Variants in RIMS1 observed in about 807,000 individuals in gnomAD.
The protein encoded by RIMS1 is regulating synaptic membrane exocytosis protein 1.
Under a neutral mutation model 214.1 loss-of-function variants are expected in RIMS1, and 83 were observed. The observed-to-expected ratio is 0.39, with a 90% CI of 0.32 to 0.47. The LOEUF (loss-of-function observed/expected upper bound fraction) is 0.47. RIMS1 is among the 20% of genes least tolerant of loss of function. The pLI is 0.99. For synonymous variants in RIMS1, 793 were observed against 786.8 expected, an observed-to-expected ratio of 1.01 and a Z score of -0.13; for missense variants, 2,050 against 2,161.8, an observed-to-expected ratio of 0.95 and a Z score of 1.03.
At position 72,182,664 on chromosome 6, in the gene RIMS1, C is replaced by T. The variant is rs1480140179; in HGVS notation, c.1193C>T (p.Thr398Ile). 1 of 1,462,208 alleles carries T rather than the reference C, an allele frequency of 6.8e-7. No homozygotes were observed. Among genetic ancestry groups the T allele is most frequent in the Non-Finnish European group, 9.0e-7 (1 of 1,112,096 alleles). The allele number at this position is 1,462,208 out of a possible 1,614,324, so 90.6% of individuals were successfully genotyped here. ...CACAGCGACGTGGCGCTCCCGCGCA[C>T]CGAGGCGGGCGCGGCGCTGCCGGAG... ...RRHSDVALPR[T>I]EAGAALPEGK... The change falls in exon 6 of 34, where the codon ACC (threonine) becomes ATC (isoleucine). Residue 398 changes from threonine to isoleucine, a missense_variant. Thr to Ile is a moderately conservative substitution (Grantham distance 89). Transcript: ENST00000521978.
intron 28 of RIMS1, among the ~76,000 whole-genome samples, chr6:72,330,156 C>A (rs901626438): frequency 6.6e-6 from 1 of 151,654 alleles, no homozygotes; most frequent in African/African-American, 2.4e-5. Context: ...TATTTCAAGA[C>A]AAGGGAATCA....
rs180769070 is a variant in RIMS1 at position 71,895,532 on chromosome 6, G to A, written c.164+8345G>A. ...TCTACTAAAAATAAAAAAATTAGCC[G>A]GCGTGGTGATGCATGCCTGTAATCC... On this transcript the variant is annotated intron_variant, in intron 1 of 33. Transcript: ENST00000521978. 3.9e-3 allele frequency among the ~76,000 whole-genome samples: 588 copies of A among 151,922 alleles called. 6 individuals carry two copies. Among genetic ancestry groups the A allele is most frequent in the African/African-American group, 0.014 (569 of 41,432 alleles).
chr6:71,900,797 C>T (rs897523807), intron 1 of RIMS1, among the ~76,000 whole-genome samples: 1 of 152,030 alleles, frequency 6.6e-6, no homozygotes, highest in African/African-American at 2.4e-5. Flanking sequence ...AGGTCAGGAA[C>T]TCAGAAGAGA....
chr6:72,184,369 A>C (rs1467935487), intron 6 of RIMS1, among the ~76,000 whole-genome samples: 1 of 152,244 alleles, frequency 6.6e-6, no homozygotes, highest in Non-Finnish European at 1.5e-5. Flanking sequence ...TATTGTTGAA[A>C]AAGAAATTTG....
intron 28 of RIMS1, among the ~76,000 whole-genome samples, chr6:72,319,766 A>C (rs1444782102): frequency 6.6e-6 from 1 of 151,972 alleles, no homozygotes; most frequent in African/African-American, 2.4e-5. Flanking sequence ...ATAAAACAAA[A>C]CACATGATTC....
intron 2 of RIMS1, among the ~76,000 whole-genome samples, 196 bp downstream of exon 2, chr6:71,969,259 A>G (rs745770046): frequency 7.2e-5 from 11 of 152,242 alleles, no homozygotes; most frequent in Non-Finnish European, 1.5e-4. Context: ...TTCTAATACC[A>G]TATTGAAAGG....
intron 11 of RIMS1, 49 bp downstream of exon 11, chr6:72,245,910 A>G: frequency 7.6e-7 from 1 of 1,307,220 alleles, no homozygotes; most frequent in Non-Finnish European, 1.1e-6. Flanking sequence ...ACTAATTGAA[A>G]GTAAAGATTT....
rs375683761 is a variant in RIMS1 at position 72,258,137 on chromosome 6, C to T, written c.2783C>T (p.Ser928Phe). 2 of 1,612,394 alleles carry T rather than the reference C, an allele frequency of 1.2e-6. No individual in the cohort carries two copies. The highest frequency in any genetic ancestry group is 1.7e-6 in the Non-Finnish European group (2 of 1,179,158). The change falls in exon 17 of 34, where the codon TCT (serine) becomes TTT (phenylalanine). Residue 928 changes from serine (S) to phenylalanine (F), a missense_variant. Around this residue, in one of 6 missense-constraint regions of RIMS1, gnomAD observed 889 missense variants for 885.5 expected, o/e 1.00. Coordinates refer to ENST00000521978, the MANE Select transcript of RIMS1 (RefSeq NM_014989.7). The part of the protein sequence containing the change: ...IGVVPPVGYR[S>F]SARESKSTTL... Reference sequence around the variant, plus strand: ...GTACTTTTGCCAGTAGGCTATAGGTCTAGTGCTAGAGAAAGTAAATCTACA... The same window carrying T: ...GTACTTTTGCCAGTAGGCTATAGGTTTAGTGCTAGAGAAAGTAAATCTACA...
At chr6:72,293,734 GTTGTA>G (rs1256723022) in intron 26 of RIMS1, among the ~76,000 whole-genome samples, 2 of 151,742 alleles carry the variant, frequency 1.3e-5, no homozygotes, top group Non-Finnish European at 3.0e-5. Context: ...CACAAAATAA[GTTGTA>G]TTGTATGTTG....
At chr6:72,234,215 T>C (rs2063166492) in intron 7 of RIMS1, among the ~76,000 whole-genome samples, 1 of 151,958 alleles carries the variant, frequency 6.6e-6, no homozygotes, top group African/African-American at 2.4e-5. Context: ...AAGAAACTTT[T>C]AGTATAAATT....
chr6:71,949,957 A>G (rs1473634403), intron 1 of RIMS1, among the ~76,000 whole-genome samples: 1 of 152,206 alleles, frequency 6.6e-6, no homozygotes, highest in East Asian at 1.9e-4. Flanking sequence ...GCTAGACACA[A>G]TAAAATGGCC....
chr6:72,216,815 C>T, intron 6 of RIMS1: 3 of 994,350 alleles, frequency 3.0e-6, no homozygotes, highest in Non-Finnish European at 3.6e-6. Flanking sequence ...AAGGTAGCAG[C>T]TTCTGTGCAT....
chr6:72,161,681 C>T (rs1216716354), intron 4 of RIMS1, among the ~76,000 whole-genome samples: 2 of 139,938 alleles, frequency 1.4e-5, no homozygotes, highest in East Asian at 2.0e-4. Flanking sequence ...GTTCAGTATC[C>T]ATGTAGGTGA....
intron 2 of RIMS1, among the ~76,000 whole-genome samples, chr6:71,969,526 C>T (rs942253837): frequency 2.6e-4 from 39 of 152,198 alleles, no homozygotes; most frequent in African/African-American, 5.8e-4. Context: ...AGTTGATTGT[C>T]GGCTGGGCAC....
At chr6:72,337,811 A>G (rs1209859085) in intron 29 of RIMS1, among the ~76,000 whole-genome samples, 9 of 138,994 alleles carry the variant, frequency 6.5e-5, no homozygotes, top group African/African-American at 2.4e-4. Context: ...TCATTGTTCA[A>G]TTCCCACCTA....
intron 2 of RIMS1, among the ~76,000 whole-genome samples, chr6:72,044,352 A>C (rs1400407758): frequency 6.6e-6 from 1 of 151,902 alleles, no homozygotes; most frequent in Non-Finnish European, 1.5e-5. Context: ...AATGGCCACA[A>C]AAGCATAAAA....
rs947840746 is a variant in RIMS1 at position 72,235,572 on chromosome 6, T to C, written c.1747-46T>C. 6.5e-6 allele frequency: 8 copies of C among 1,238,762 alleles called. No individual in the cohort carries two copies. In the African/African-American group the frequency reaches 1.0e-4, roughly 16 times the overall value. 76.7% of individuals were successfully genotyped at this position (1,238,762 alleles called of 1,614,324 possible). A position where few individuals can be genotyped will look rare whatever the true frequency, so the allele number is the denominator to read the frequency against. The stretch of plus-strand genomic sequence containing the variant: ...TCATTCTTTTTATAGCTGAATGCAT[T>C]ACATTCTGTATATATTACTTTTTAA... On this transcript the variant is annotated intron_variant, in intron 7 of 33. Transcript: ENST00000521978.
intron 1 of RIMS1, among the ~76,000 whole-genome samples, chr6:71,915,730 G>A (rs1243629614): frequency 1.3e-5 from 2 of 152,086 alleles, no homozygotes; most frequent in Non-Finnish European, 2.9e-5. Context: ...CACATAGTGA[G>A]TACTTGTATT....
chr6:72,203,990 C>A (rs183628217), intron 6 of RIMS1, among the ~76,000 whole-genome samples: 16 of 152,234 alleles, frequency 1.1e-4, no homozygotes, highest in African/African-American at 3.1e-4. Flanking sequence ...ACACATTTGA[C>A]TGGGAAAGTA....
Sources: allele counts gnomAD v4.1 joint callset (sites outside exome capture counted in the v4.1 genomes callset), GRCh38; gene constraint gnomAD v4.1.1; regional missense constraint gnomAD v4.1.1; transcripts MANE v1.5; gene names NCBI Gene and HGNC (gene_info 2026-07-23, HGNC 2026-07-21).